LACTBL1: variants seen among roughly 807,000 people sequenced by gnomAD.
LACTBL1 encodes the protein beta-lactamase-like protein 1.
In LACTBL1, 29 loss-of-function variants were observed where a neutral mutation model predicts 39.6. The observed-to-expected ratio is 0.73, with a 90% CI of 0.55 to 1.00. The LOEUF is 1.00. LACTBL1 is among the 50% of genes least tolerant of loss of function. The probability of loss-of-function intolerance (pLI) is 0.00; values close to 1 mark genes in which losing one functional copy is unlikely to be tolerated. For synonymous variants in LACTBL1, 361 were observed against 360.7 expected, an observed-to-expected ratio of 1.00 and a Z score of -0.01; for missense variants, 711 against 748.5, an observed-to-expected ratio of 0.95 and a Z score of 0.59.
chr1:22,965,501 C>T (rs1473139776), upstream of LACTBL1: 1 of 838,252 alleles, frequency 1.2e-6, no homozygotes, highest in African/African-American at 1.8e-5. Flanking sequence ...AACCCTGGCC[C>T]CTCCTAGGCC....
upstream of LACTBL1, among the ~76,000 whole-genome samples, chr1:22,966,456 C>T (rs763894123): frequency 6.6e-6 from 1 of 152,218 alleles, no homozygotes; most frequent in Non-Finnish European, 1.5e-5. Flanking sequence ...CCTCAGTACA[C>T]ACGCAATCCC....
intron 3 of LACTBL1, among the ~76,000 whole-genome samples, chr1:22,959,296 T>C (rs1449558140): frequency 6.6e-6 from 1 of 152,230 alleles, no homozygotes; most frequent in Non-Finnish European, 1.5e-5. Context: ...AATAAAAGAA[T>C]GGAACGAGGT....
chr1:22,953,598 C>A, exon 6 of LACTBL1: 1 of 1,260,040 alleles, frequency 7.9e-7, no homozygotes, highest in Non-Finnish European at 9.9e-7. Context: ...GATCGCCGTC[C>A]TTGCGCACCA....
At chr1:22,967,479 C>G (rs11584359), upstream of LACTBL1, among the ~76,000 whole-genome samples, 2 of 151,720 alleles carry the variant, frequency 1.3e-5, no homozygotes, top group Non-Finnish European at 2.9e-5. Flanking sequence ...GGGAGGTCGT[C>G]GAGGCTGCAG....
At chr1:22,954,901 G>T (rs1005753687) in intron 5 of LACTBL1, among the ~76,000 whole-genome samples, 1 of 152,184 alleles carries the variant, frequency 6.6e-6, no homozygotes, top group Non-Finnish European at 1.5e-5. Context: ...CCAGAGTGGG[G>T]CTTCTCTGTT....
chr1:22,967,567 T>TATACAC (rs1553119669), upstream of LACTBL1, among the ~76,000 whole-genome samples: 6 of 148,520 alleles, frequency 4.0e-5, no homozygotes, highest in African/African-American at 1.5e-4. Context: ...TCCATATATA[T>TATACAC]ACACACACAC....
chr1:22,956,895 T>G (rs1640767395), intron 4 of LACTBL1, among the ~76,000 whole-genome samples: 1 of 152,096 alleles, frequency 6.6e-6, no homozygotes, highest in South Asian at 2.1e-4. Context: ...GAGTATACAA[T>G]GGAAAATTTT....
upstream of LACTBL1, among the ~76,000 whole-genome samples, chr1:22,968,929 G>T (rs563445207): frequency 1.3e-5 from 2 of 152,216 alleles, no homozygotes; most frequent in East Asian, 1.9e-4. Flanking sequence ...AGGCTGGAGC[G>T]CAGTGATGTG....
At chr1:22,959,952 T>C (rs781686959) in exon 3 of LACTBL1, 1 of 1,551,038 alleles carries the variant, frequency 6.4e-7, no homozygotes, top group South Asian at 1.2e-5. Flanking sequence ...CTGTACATGG[T>C]GTACTCATTG....
exon 6 of LACTBL1, chr1:22,953,919 C>G (rs1218539853): frequency 1.3e-6 from 2 of 1,550,352 alleles, no homozygotes; most frequent in South Asian, 1.2e-5. Context: ...CCATCCCCAG[C>G]GGCTCCAGCA....
At chr1:22,957,133 A>G (rs1222992692) in intron 4 of LACTBL1, among the ~76,000 whole-genome samples, 2 of 152,164 alleles carry the variant, frequency 1.3e-5, no homozygotes, top group Non-Finnish European at 2.9e-5. Context: ...ATGCTGTTAC[A>G]TGCTTTTTTC....
chr1:22,966,519 A>G (rs761774301), upstream of LACTBL1, among the ~76,000 whole-genome samples: 21 of 152,224 alleles, frequency 1.4e-4, no homozygotes, highest in Non-Finnish European at 2.5e-4. Flanking sequence ...TACAGATCTT[A>G]CAGAGAAATA....
chr1:22,953,249 G>A (rs1323856798), exon 6 of LACTBL1: 31 of 1,231,654 alleles, frequency 2.5e-5, no homozygotes, highest in Admixed American at 8.4e-5. Context: ...TGGAAGACGC[G>A]GCCGTGCAGG....
Position 22,958,844 on chromosome 1 carries a change from C to T in LACTBL1, c.394G>A (p.Asp132Asn), listed in dbSNP as rs1483018128. Residue 132 changes from aspartate to asparagine, a missense_variant, in exon 4 of 6, where the codon GAT becomes AAT. Transcript: ENST00000426928. The stretch of plus-strand genomic sequence containing the variant: ...CTGGCATACCGCTCCAGAGGGTCAT[C>T]TAGGGAGGCCACGATGCCCTCCTCC... 4 of 1,550,618 alleles carry T rather than the reference C, an allele frequency of 2.6e-6. No homozygotes were observed. In the South Asian group the frequency reaches 4.8e-5, roughly 18 times the overall value.
At chr1:22,953,930 C>T (rs751473265) in exon 6 of LACTBL1, 3 of 1,550,260 alleles carry the variant, frequency 1.9e-6, no homozygotes, top group East Asian at 4.9e-5. Context: ...GGCTCCAGCA[C>T]GTTCTCCGAG....
rs1210019332 is a variant in LACTBL1, at chr1:22,964,441, G to GC, written c.49+848dup. Among the ~76,000 whole-genome samples the GC allele has an allele frequency of 9.2e-5, 14 of 152,210 alleles. No individual in the cohort carries two copies. In the East Asian group the frequency reaches 1.7e-3, roughly 19 times the overall value. On this transcript the variant is annotated intron_variant, in intron 1 of 5. Transcript: ENST00000426928. ...AGGAGTCCACGCTGAGGGAGACACC[G>GC]CCCCCCTCAACCCGACCCCCAAGCC...
At chr1:22,953,885 G>T in exon 6 of LACTBL1, 1 of 1,549,810 alleles carries the variant, frequency 6.5e-7, no homozygotes, top group Non-Finnish European at 8.7e-7. Context: ...CGCACGTCGG[G>T]CGTGAGGTCA....
At chr1:22,969,180 G>A (rs1313620216), upstream of LACTBL1, among the ~76,000 whole-genome samples, 4 of 152,176 alleles carry the variant, frequency 2.6e-5, no homozygotes, top group Non-Finnish European at 5.9e-5. Context: ...TATATGGTGC[G>A]TGTGTGTGCT....
chr1:22,955,936 C>T lies in LACTBL1; in HGVS notation c.554-510G>A, dbSNP rs149520279. 9.8e-3 allele frequency among the ~76,000 whole-genome samples: 1,492 copies of T among 152,040 alleles called. 20 individuals are homozygous for T. Among genetic ancestry groups the T allele is most frequent in the African/African-American group, 0.034 (1,397 of 41,444 alleles). ...AAAATTAGCTGGACGTCTTGGCATG[C>T]GCCTGTAATCCCAGCTACTCAGGAG... On this transcript the variant is annotated intron_variant, in intron 4 of 5. Coordinates refer to ENST00000426928, the Ensembl canonical transcript of LACTBL1.
Sources: gnomAD v4.1 joint callset for allele counts (sites outside exome capture counted in the v4.1 genomes callset) on GRCh38, gnomAD v4.1.1 for gene constraint, MANE v1.5 for transcripts, NCBI Gene and HGNC (gene_info 2026-07-23, HGNC 2026-07-21) for gene names.